The following GRIN2A variants were observed in gnomAD, a reference collection of about 807,000 sequenced individuals.
GRIN2A encodes the protein glutamate receptor ionotropic, NMDA 2A.
Under a neutral mutation model 113.4 loss-of-function variants are expected in GRIN2A, and 22 were observed. The observed-to-expected ratio is 0.19, with a 90% confidence interval of 0.14 to 0.28. The LOEUF (loss-of-function observed/expected upper bound fraction) is 0.28, where lower values mean the gene tolerates loss of function less well. GRIN2A is among the 10% of genes least tolerant of loss of function. The pLI, the probability that GRIN2A is intolerant of heterozygous loss-of-function variation, is 1.00. For missense variants in GRIN2A, 1,502 were observed against 1,887.0 expected, an observed-to-expected ratio of 0.80 and a Z score of 3.78; for synonymous variants, 827 against 738.4, an observed-to-expected ratio of 1.12 and a Z score of -1.94.
intron 3 of GRIN2A, among the ~76,000 whole-genome samples, chr16:9,912,179 A>T (rs2044155362): frequency 6.6e-6 from 1 of 152,044 alleles, no homozygotes; most frequent in African/African-American, 2.4e-5. Context: ...AGAATGGGGA[A>T]AAAAAGGAAG....
At chr16:9,814,101 T>C (rs2042141983) in intron 10 of GRIN2A, among the ~76,000 whole-genome samples, 2 of 152,232 alleles carry the variant, frequency 1.3e-5, no homozygotes, top group African/African-American at 4.8e-5. Flanking sequence ...CCAGTTTCTT[T>C]TGAGCATAGA....
chr16:9,970,674 A>T (rs140281074), intron 2 of GRIN2A: 3 of 467,054 alleles, frequency 6.4e-6, no homozygotes, highest in Non-Finnish European at 8.4e-6. Context: ...TGTATTAAGG[A>T]TCTCTGATGA....
chr16:9,810,082 C>A (rs2042057705), intron 10 of GRIN2A, among the ~76,000 whole-genome samples: 1 of 152,138 alleles, frequency 6.6e-6, no homozygotes, highest in Non-Finnish European at 1.5e-5. Context: ...AGAAAAACTT[C>A]CTGGCATGGA....
chr16:9,859,736 TCTGC>T (rs1567351959), intron 4 of GRIN2A, among the ~76,000 whole-genome samples: 4 of 152,030 alleles, frequency 2.6e-5, no homozygotes, highest in Admixed American at 2.0e-4. Flanking sequence ...CACTATTTCT[TCTGC>T]CTGGAATTCT....
At chr16:9,775,445 T>C (rs1418514152) in intron 11 of GRIN2A, among the ~76,000 whole-genome samples, 1 of 152,246 alleles carries the variant, frequency 6.6e-6, no homozygotes, top group African/African-American at 2.4e-5. Context: ...TCTCTGTATT[T>C]TCATATAGAG....
chr16:9,882,433 A>G (rs1477102172), intron 4 of GRIN2A, among the ~76,000 whole-genome samples: 1 of 152,106 alleles, frequency 6.6e-6, no homozygotes, highest in Non-Finnish European at 1.5e-5. Context: ...AAGACATAAC[A>G]TATGGGGTGC....
At chr16:10,023,906 T>C (rs2046770853) in intron 2 of GRIN2A, among the ~76,000 whole-genome samples, 1 of 152,190 alleles carries the variant, frequency 6.6e-6, no homozygotes, top group Non-Finnish European at 1.5e-5. Context: ...TTATTAAGCA[T>C]AAACCTTAGG....
In GRIN2A at chr16:9,754,648, AT is replaced by A. The variant is rs1486350815; in HGVS notation, c.*8500del. On this transcript the variant is annotated 3_prime_UTR_variant, in exon 13 of 13. Transcript: ENST00000330684. Reference sequence around the variant, plus strand: ...CTTAATAAACTAAAGATTTAAAAAAATTTAAAAAAGATTTTAAAAGTCAATA... The same window carrying A: ...CTTAATAAACTAAAGATTTAAAAAAATTAAAAAAGATTTTAAAAGTCAATA... The A allele has an allele frequency of 4.6e-6, 1 of 216,090 alleles. No individual in the cohort carries two copies. Among genetic ancestry groups the A allele is most frequent in the Non-Finnish European group, 9.3e-6 (1 of 107,346 alleles). The allele number at this position is 216,090 out of a possible 1,614,324, so 13.4% of individuals were successfully genotyped here. A position where few individuals can be genotyped will look rare whatever the true frequency, so the allele number is the denominator to read the frequency against.
rs1596455948 is a variant in GRIN2A, at chr16:10,042,495, A to G, written c.415-103944T>C. Among the ~76,000 whole-genome samples, 4 of 152,280 alleles carry G rather than the reference A, an allele frequency of 2.6e-5. No homozygotes were observed. In the South Asian group the frequency reaches 8.3e-4, roughly 32 times the overall value. ...CTCAGTCCAGCCTTTAGATCACTGC[A>G]CCTCTGGCCAATGTACTGACCACAG... On this transcript the variant is annotated intron_variant, in intron 2 of 12. Coordinates refer to ENST00000330684, the MANE Select transcript of GRIN2A (RefSeq NM_001134407.3).
intron 4 of GRIN2A, among the ~76,000 whole-genome samples, chr16:9,872,908 G>T (rs531679916): frequency 1.3e-5 from 2 of 152,046 alleles, no homozygotes; most frequent in African/African-American, 4.8e-5. Flanking sequence ...AGCCAGGCAT[G>T]GTGGCACTTG....
intron 4 of GRIN2A, among the ~76,000 whole-genome samples, chr16:9,889,172 C>G (rs1181963884): frequency 6.6e-6 from 1 of 152,108 alleles, no homozygotes; most frequent in Non-Finnish European, 1.5e-5. Context: ...ATCGTCAATA[C>G]CTACATCTCA....
At chr16:10,034,631 G>A (rs1246890025) in intron 2 of GRIN2A, among the ~76,000 whole-genome samples, 1 of 148,768 alleles carries the variant, frequency 6.7e-6, no homozygotes, top group Non-Finnish European at 1.5e-5. Flanking sequence ...GAATGATTAA[G>A]GTCAAGAGGT....
At chr16:9,944,758 T>TC (rs1180265466) in intron 2 of GRIN2A, among the ~76,000 whole-genome samples, 7 of 151,866 alleles carry the variant, frequency 4.6e-5, no homozygotes, top group Non-Finnish European at 8.8e-5. Context: ...GGCACAAGCA[T>TC]CCCCCCTAGA....
At position 9,852,851 on chromosome 16, in the gene GRIN2A, A is replaced by T. The variant is rs1323825099; in HGVS notation, c.1123-2890T>A. Among the ~76,000 whole-genome samples, 3 of 152,202 alleles carry T rather than the reference A, an allele frequency of 2.0e-5. No individual in the cohort carries two copies. The South Asian group carries it at 6.2e-4, about 31-fold the overall frequency. On this transcript the variant is annotated intron_variant, in intron 4 of 12. Transcript: ENST00000330684. ...GTAGACAGGTTTAGCAGAGTCATTC[A>T]TTCCATAAATATGTGTTGAGTGGTT...
At chr16:9,862,644 A>G (rs2043090892) in intron 4 of GRIN2A, among the ~76,000 whole-genome samples, 2 of 152,192 alleles carry the variant, frequency 1.3e-5, no homozygotes, top group Non-Finnish European at 1.5e-5. Flanking sequence ...GAAAGATAGG[A>G]GTCCTATTTC....
intron 2 of GRIN2A, among the ~76,000 whole-genome samples, chr16:10,052,701 C>T (rs1365700958): frequency 1.3e-5 from 2 of 152,118 alleles, no homozygotes; most frequent in African/African-American, 2.4e-5. Flanking sequence ...GAGCAAATTC[C>T]ACCCAAACTG....
chr16:9,817,484 T>C (rs2042206687), intron 10 of GRIN2A, among the ~76,000 whole-genome samples: 1 of 152,252 alleles, frequency 6.6e-6, no homozygotes. Context: ...AAATCCTTTC[T>C]GCAAAACTGA....
chr16:9,992,705 A>C (rs1412656602), intron 2 of GRIN2A, among the ~76,000 whole-genome samples: 1 of 152,244 alleles, frequency 6.6e-6, no homozygotes, highest in Non-Finnish European at 1.5e-5. Flanking sequence ...ATCAGGATGC[A>C]GAGAAATCAA....
rs117850410 is a variant in GRIN2A at position 9,791,974 on chromosome 16, G to T, written c.2356+6303C>A. 1.1e-4 allele frequency among the ~76,000 whole-genome samples: 16 copies of T among 152,154 alleles called. No homozygotes were observed. In the East Asian group the frequency reaches 3.1e-3, roughly 29 times the overall value. On this transcript the variant is annotated intron_variant, in intron 11 of 12. Transcript: ENST00000330684. ...GTTTCCTTATTAACATGAGAGCAGG[G>T]TTTGTGGTCCTCTCCAATCTGTTAA...
Sources: gnomAD v4.1 joint callset for allele counts (sites outside exome capture counted in the v4.1 genomes callset) on GRCh38, gnomAD v4.1.1 for gene constraint, MANE v1.5 for transcripts, NCBI Gene and HGNC (gene_info 2026-07-23, HGNC 2026-07-21) for gene names.